GRIK1: variants seen among roughly 807,000 people sequenced by gnomAD.
GRIK1 encodes glutamate ionotropic receptor kainate type subunit 1.
In GRIK1, 69 loss-of-function variants were observed where a neutral mutation model predicts 105.7. The observed-to-expected ratio is 0.65, with a 90% CI of 0.54 to 0.80. The LOEUF is 0.80. Among genes scored for constraint, GRIK1 ranks in the 30% least tolerant of loss-of-function variants. GRIK1 has a pLI of 0.00. For missense variants in GRIK1, 1,109 were observed against 1,167.3 expected (o/e 0.95, Z 0.73); for synonymous variants, 438 against 431.3 (o/e 1.02, Z -0.19).
chr21:29,688,823 A>G (rs2146710075), intron 3 of GRIK1, among the ~76,000 whole-genome samples: 1 of 152,270 alleles, frequency 6.6e-6, no homozygotes, highest in South Asian at 2.1e-4. Context: ...AAGGTCGTGC[A>G]AAGGATCATC....
At chr21:29,829,234 G>T (rs2067560331) in intron 1 of GRIK1, among the ~76,000 whole-genome samples, 1 of 152,116 alleles carries the variant, frequency 6.6e-6, no homozygotes. Context: ...AAAAAGGCTT[G>T]CTCATATTCA....
chr21:29,621,409 T>G (rs57235635), intron 7 of GRIK1, among the ~76,000 whole-genome samples: 20,617 of 151,660 alleles, frequency 0.14, 1,497 homozygotes, highest in Admixed American at 0.21. Context: ...TGTGTGTGTG[T>G]GTGGGGAAGA....
At chr21:29,810,970 C>A (rs1402507117) in intron 1 of GRIK1, among the ~76,000 whole-genome samples, 1 of 152,158 alleles carries the variant, frequency 6.6e-6, no homozygotes, top group African/African-American at 2.4e-5. Context: ...GGGAAGATAT[C>A]TTTAAACAAC....
At chr21:29,619,331 G>C (rs1601289368) in intron 7 of GRIK1, among the ~76,000 whole-genome samples, 1 of 151,776 alleles carries the variant, frequency 6.6e-6, no homozygotes, top group African/African-American at 2.4e-5. Context: ...CAGCTACTCA[G>C]GAGGCTGAGG....
chr21:29,645,256 G>C (rs149340462), intron 6 of GRIK1, among the ~76,000 whole-genome samples: 1 of 152,310 alleles, frequency 6.6e-6, no homozygotes, highest in African/African-American at 2.4e-5. Context: ...TTAAGGGAAA[G>C]AGTGAGAATT....
chr21:29,936,369 A>G (rs1274272745), intron 1 of GRIK1, among the ~76,000 whole-genome samples: 1 of 152,210 alleles, frequency 6.6e-6, no homozygotes, highest in Non-Finnish European at 1.5e-5. Flanking sequence ...GGCCACGTCT[A>G]CTAAGTTTAC....
chr21:29,708,595 T>C (rs941955005), intron 1 of GRIK1, among the ~76,000 whole-genome samples: 1 of 152,166 alleles, frequency 6.6e-6, no homozygotes, highest in Non-Finnish European at 1.5e-5. Context: ...TTCCATGACT[T>C]GTGAGCAGAA....
intron 1 of GRIK1, among the ~76,000 whole-genome samples, chr21:29,831,706 C>G (rs1024883746): frequency 2.0e-5 from 3 of 152,074 alleles, no homozygotes; most frequent in Admixed American, 1.3e-4. Flanking sequence ...CACCAGACCC[C>G]TCCTCCAACA....
intron 1 of GRIK1, among the ~76,000 whole-genome samples, chr21:29,780,892 G>A (rs2066079269): frequency 6.6e-6 from 1 of 152,158 alleles, no homozygotes; most frequent in South Asian, 2.1e-4. Context: ...CATGTCAGGA[G>A]AGCAAGAGAG....
At chr21:29,682,017 GA>G (rs1301877900) in intron 3 of GRIK1, among the ~76,000 whole-genome samples, 1 of 152,212 alleles carries the variant, frequency 6.6e-6, no homozygotes, top group African/African-American at 2.4e-5. Flanking sequence ...CTTATATCAG[GA>G]CCTGCCTATG....
At chr21:29,864,522 A>T (rs1332684060) in intron 1 of GRIK1, among the ~76,000 whole-genome samples, 2 of 152,212 alleles carry the variant, frequency 1.3e-5, no homozygotes, top group African/African-American at 2.4e-5. Flanking sequence ...TATTTCAAAC[A>T]TCATAATTTA....
intron 1 of GRIK1, among the ~76,000 whole-genome samples, chr21:29,897,919 A>T (rs889777084): frequency 1.6e-4 from 25 of 152,250 alleles, no homozygotes; most frequent in African/African-American, 5.3e-4. Context: ...TATCTTATAG[A>T]CTTGAACAAT....
intron 7 of GRIK1, among the ~76,000 whole-genome samples, chr21:29,614,807 A>G (rs1327387595): frequency 1.3e-5 from 2 of 151,304 alleles, no homozygotes; most frequent in African/African-American, 4.9e-5. Context: ...CTACACATAA[A>G]CTTTGTGTTC....
chr21:29,639,816 A>C (rs2062473310), intron 7 of GRIK1, among the ~76,000 whole-genome samples: 1 of 152,196 alleles, frequency 6.6e-6, no homozygotes, highest in Non-Finnish European at 1.5e-5. Context: ...TTGAGTGGGA[A>C]TGTATAATCT....
chr21:29,607,370 A>G (rs1167016215), intron 7 of GRIK1, among the ~76,000 whole-genome samples: 1 of 151,546 alleles, frequency 6.6e-6, no homozygotes, highest in African/African-American at 2.4e-5. Flanking sequence ...CAAAACTGCA[A>G]CCCTCAATAG....
rs144334454 is a variant in GRIK1 at position 29,620,490 on chromosome 21, G to C, written c.1099-21553C>G. ...CCTTTCTTTAAACTTCATTGAAATAGAGGACATGCTGTACCCTTTGAGGGC... is the reference window on the plus strand; with the variant it reads ...CCTTTCTTTAAACTTCATTGAAATACAGGACATGCTGTACCCTTTGAGGGC... On this transcript the variant is annotated intron_variant, in intron 7 of 17. Coordinates refer to ENST00000327783, the MANE Select transcript of GRIK1 (RefSeq NM_001330994.2). 2.2e-3 allele frequency among the ~76,000 whole-genome samples: 328 copies of C among 152,202 alleles called. 4 individuals are homozygous for C. The highest frequency in any genetic ancestry group is 7.5e-3 in the African/African-American group (311 of 41,516).
At chr21:29,798,091 C>G (rs1479974588) in intron 1 of GRIK1, among the ~76,000 whole-genome samples, 1 of 152,114 alleles carries the variant, frequency 6.6e-6, no homozygotes, top group Non-Finnish European at 1.5e-5. Context: ...ATGATGAGTC[C>G]TGAATACCGA....
intron 7 of GRIK1, among the ~76,000 whole-genome samples, chr21:29,633,529 A>G (rs1421394932): frequency 1.3e-5 from 2 of 151,868 alleles, no homozygotes; most frequent in East Asian, 3.8e-4. Context: ...AAATAAATAA[A>G]TAAATAAATT....
At chr21:29,586,036 G>C (rs982894884) in intron 12 of GRIK1, among the ~76,000 whole-genome samples, 4 of 152,164 alleles carry the variant, frequency 2.6e-5, no homozygotes, top group Non-Finnish European at 5.9e-5. Flanking sequence ...AATGTTTGTA[G>C]ACATTTCCAA....
Sources: allele counts gnomAD v4.1 joint callset (sites outside exome capture counted in the v4.1 genomes callset), GRCh38; gene constraint gnomAD v4.1.1; transcripts MANE v1.5; gene names NCBI Gene and HGNC (gene_info 2026-07-23, HGNC 2026-07-21).